SUMF1: variants seen among roughly 807,000 people sequenced by gnomAD.
SUMF1 encodes sulfatase modifying factor 1, also known as formylglycine-generating enzyme.
Under a neutral mutation model 47.6 loss-of-function variants are expected in SUMF1, and 48 were observed. The observed-to-expected ratio is 1.01, with a 90% confidence interval of 0.80 to 1.28. The LOEUF (loss-of-function observed/expected upper bound fraction) is 1.28. Among genes scored for constraint, SUMF1 ranks in the 50% most tolerant of loss-of-function variants. SUMF1 has a pLI of 0.00. For synonymous variants in SUMF1, 230 were observed against 192.1 expected (o/e 1.20, Z -1.63); for missense variants, 571 against 485.4 (o/e 1.18, Z -1.66).
chr3:4,321,682 G>T (rs1233511122), intron 8 of SUMF1, among the ~76,000 whole-genome samples: 2 of 152,060 alleles, frequency 1.3e-5, no homozygotes, highest in Non-Finnish European at 2.9e-5. Flanking sequence ...ATAAATAAAT[G>T]GGGTAAAGAC....
At chr3:4,257,746 A>G (rs1357116431) in intron 8 of SUMF1, among the ~76,000 whole-genome samples, 1 of 152,090 alleles carries the variant, frequency 6.6e-6, no homozygotes, top group South Asian at 2.1e-4. Context: ...TTCTTCACAG[A>G]ATTGGAAAAA....
At chr3:4,143,956 T>C (rs1467400167) in intron 8 of SUMF1, among the ~76,000 whole-genome samples, 1 of 150,984 alleles carries the variant, frequency 6.6e-6, no homozygotes, top group Non-Finnish European at 1.5e-5. Flanking sequence ...CAGGCCATAG[T>C]GCCTCCTTAA....
At chr3:4,438,707 T>C (rs955588614) in intron 3 of SUMF1, among the ~76,000 whole-genome samples, 4 of 152,132 alleles carry the variant, frequency 2.6e-5, no homozygotes, top group Non-Finnish European at 5.9e-5. Flanking sequence ...TCATCTTAAA[T>C]GGAGATTTTA....
At chr3:4,157,126 A>T (rs1694470447) in intron 8 of SUMF1, among the ~76,000 whole-genome samples, 1 of 151,466 alleles carries the variant, frequency 6.6e-6, no homozygotes, top group African/African-American at 2.4e-5. Context: ...AGATGTGTCT[A>T]CCCCATTTAA....
intron 9 of SUMF1, among the ~76,000 whole-genome samples, chr3:4,036,481 G>T (rs1694797482): frequency 6.6e-6 from 1 of 152,048 alleles, no homozygotes; most frequent in Non-Finnish European, 1.5e-5. Flanking sequence ...AAGAAAAAAT[G>T]AAGGCTCTTT....
intron 8 of SUMF1, among the ~76,000 whole-genome samples, chr3:4,296,650 C>A (rs1697858547): frequency 6.6e-6 from 1 of 152,148 alleles, no homozygotes; most frequent in Non-Finnish European, 1.5e-5. Flanking sequence ...TCAATTACCT[C>A]CCACTGGGTC....
At chr3:4,108,471 A>T (rs564178210) in intron 8 of SUMF1, among the ~76,000 whole-genome samples, 20 of 152,050 alleles carry the variant, frequency 1.3e-4, no homozygotes, top group African/African-American at 4.8e-4. Flanking sequence ...CAATTCCTGG[A>T]TATCCTTGTT....
At chr3:4,295,242 C>T (rs950209782) in intron 8 of SUMF1, among the ~76,000 whole-genome samples, 4 of 152,024 alleles carry the variant, frequency 2.6e-5, no homozygotes, top group African/African-American at 9.6e-5. Context: ...GTTGCAGGAA[C>T]GTTGCATTAT....
intron 8 of SUMF1, among the ~76,000 whole-genome samples, chr3:4,154,861 C>CT (rs1574933514): frequency 2.0e-5 from 3 of 151,564 alleles, no homozygotes; most frequent in South Asian, 4.2e-4. Context: ...AAAATTACAG[C>CT]TTTTTTTGAT....
chr3:4,105,181 C>T (rs549822211), intron 8 of SUMF1, among the ~76,000 whole-genome samples: 3 of 152,096 alleles, frequency 2.0e-5, no homozygotes, highest in Admixed American at 6.6e-5. Context: ...CTAAAACAGT[C>T]GAACTCATAG....
chr3:4,182,850 G>C (rs1378973213), intron 8 of SUMF1, among the ~76,000 whole-genome samples: 1 of 152,090 alleles, frequency 6.6e-6, no homozygotes, highest in Admixed American at 6.6e-5. Flanking sequence ...AATAATCCTA[G>C]AGGTAAATTA....
At chr3:4,331,220 AT>A (rs200181111) in intron 8 of SUMF1, among the ~76,000 whole-genome samples, 7 of 112,276 alleles carry the variant, frequency 6.2e-5, no homozygotes, top group African/African-American at 1.6e-4. Context: ...TATTCCTTTA[AT>A]TTAAAAAAAA....
At chr3:4,184,259 C>T (rs1464285200) in intron 8 of SUMF1, among the ~76,000 whole-genome samples, 2 of 151,946 alleles carry the variant, frequency 1.3e-5, no homozygotes, top group African/African-American at 4.8e-5. Context: ...AATCTGAGAC[C>T]AGCCTGGCCA....
downstream of SUMF1, among the ~76,000 whole-genome samples, chr3:4,358,981 G>C (rs545355549): frequency 8.7e-5 from 13 of 148,596 alleles, no homozygotes; most frequent in Non-Finnish European, 1.8e-4. Context: ...TAGTTATTTT[G>C]TTAGTGCTGT....
At chr3:4,439,878 T>C (rs138649355) in intron 3 of SUMF1, among the ~76,000 whole-genome samples, 199 of 152,190 alleles carry the variant, frequency 1.3e-3, no homozygotes, top group African/African-American at 4.3e-3. Context: ...TAAAGCAGAA[T>C]TGAAGTTTTC....
chr3:4,107,982 G>A (rs1010276654), intron 8 of SUMF1, among the ~76,000 whole-genome samples: 3 of 152,044 alleles, frequency 2.0e-5, no homozygotes, highest in Non-Finnish European at 4.4e-5. Flanking sequence ...TCAGGAAAGA[G>A]ATGGAAACTA....
At chr3:4,283,613 C>A (rs1057406014) in intron 8 of SUMF1, among the ~76,000 whole-genome samples, 1 of 152,094 alleles carries the variant, frequency 6.6e-6, no homozygotes, top group Admixed American at 6.5e-5. Context: ...AAATGGCCAA[C>A]AGTATATATA....
chr3:4,169,258 T>C (rs1422120782), intron 8 of SUMF1, among the ~76,000 whole-genome samples: 2 of 152,174 alleles, frequency 1.3e-5, no homozygotes, highest in African/African-American at 2.4e-5. Flanking sequence ...CAATAAAATG[T>C]TGAAGTCCTA....
At chr3:4,349,608 GA>G (rs1208606570) in intron 8 of SUMF1, among the ~76,000 whole-genome samples, 2 of 152,188 alleles carry the variant, frequency 1.3e-5, no homozygotes, top group African/African-American at 4.8e-5. Context: ...TGGTAGACTG[GA>G]TAAAGAAAAT....
Sources: allele counts gnomAD v4.1 joint callset (sites outside exome capture counted in the v4.1 genomes callset), GRCh38; gene constraint gnomAD v4.1.1; transcripts MANE v1.5; gene names NCBI Gene and HGNC (gene_info 2026-07-23, HGNC 2026-07-21).